COL25A1: variants seen among roughly 807,000 people sequenced by gnomAD.
The protein encoded by COL25A1 is collagen type XXV alpha 1 chain, also known as collagen alpha-1(XXV) chain.
In COL25A1, 103 loss-of-function variants were observed where a neutral mutation model predicts 128.4. The observed-to-expected ratio is 0.80, with a 90% CI of 0.68 to 0.94. COL25A1 has a LOEUF of 0.94. Among genes scored for constraint, COL25A1 ranks in the 40% least tolerant of loss-of-function variants. COL25A1 has a pLI of 0.00. For missense variants in COL25A1, 745 were observed against 840.0 expected (o/e 0.89, Z 1.40); for synonymous variants, 279 against 277.2 (o/e 1.01, Z -0.06).
intron 3 of COL25A1, among the ~76,000 whole-genome samples, chr4:109,152,557 G>A (rs1481906121): frequency 6.6e-6 from 1 of 152,010 alleles, no homozygotes; most frequent in Non-Finnish European, 1.5e-5. Context: ...CCTAATTATG[G>A]CATTTAAAAA....
intron 8 of COL25A1, among the ~76,000 whole-genome samples, chr4:108,957,892 AC>A (rs761659914): frequency 1.3e-5 from 2 of 152,170 alleles, no homozygotes; most frequent in Non-Finnish European, 2.9e-5. Flanking sequence ...CCTTTCTGGC[AC>A]TGTCAAACCA....
chr4:109,197,334 A>ATATATATTATATATATAT, intron 3 of COL25A1, among the ~76,000 whole-genome samples: 1 of 133,162 alleles, frequency 7.5e-6, no homozygotes, highest in South Asian at 2.2e-4. Flanking sequence ...TCAAGTATAT[A>ATATATATTATATATATAT]TATATATTAT....
At chr4:109,202,562 T>C (rs1319095141) in intron 3 of COL25A1, among the ~76,000 whole-genome samples, 1 of 152,174 alleles carries the variant, frequency 6.6e-6, no homozygotes, top group Non-Finnish European at 1.5e-5. Context: ...TGGTCATGAA[T>C]TTTTAGATAC....
At chr4:109,125,347 G>A (rs1359218039) in intron 3 of COL25A1, among the ~76,000 whole-genome samples, 1 of 152,086 alleles carries the variant, frequency 6.6e-6, no homozygotes, top group Non-Finnish European at 1.5e-5. Flanking sequence ...AGGGCAAATA[G>A]CCTTCTCAGG....
intron 3 of COL25A1, among the ~76,000 whole-genome samples, chr4:109,250,798 G>A (rs893177496): frequency 1.3e-5 from 2 of 152,060 alleles, no homozygotes; most frequent in Non-Finnish European, 2.9e-5. Flanking sequence ...CAAGTATCTG[G>A]GCACTCTGTA....
chr4:109,175,518 T>C (rs1347716354), intron 3 of COL25A1, among the ~76,000 whole-genome samples: 2 of 152,224 alleles, frequency 1.3e-5, no homozygotes, highest in African/African-American at 4.8e-5. Flanking sequence ...TGTGATTATG[T>C]GTTAAAAACA....
intron 3 of COL25A1, among the ~76,000 whole-genome samples, chr4:109,238,742 C>T (rs1371867277): frequency 6.6e-6 from 1 of 152,032 alleles, no homozygotes; most frequent in Non-Finnish European, 1.5e-5. Context: ...GGGACTACTC[C>T]TTGTTTTCCC....
At chr4:108,926,424 A>C (rs1439403932) in intron 11 of COL25A1, among the ~76,000 whole-genome samples, 2 of 152,188 alleles carry the variant, frequency 1.3e-5, no homozygotes, top group African/African-American at 2.4e-5. Flanking sequence ...AAAAGCCCAA[A>C]ACTATTAAGC....
At chr4:109,296,176 A>C (rs1724963300) in intron 3 of COL25A1, among the ~76,000 whole-genome samples, 1 of 152,030 alleles carries the variant, frequency 6.6e-6, no homozygotes, top group Admixed American at 6.6e-5. Context: ...GTGTACCTCT[A>C]TCTGTTCATA....
intron 16 of COL25A1, 110 bp downstream of exon 16, chr4:108,896,557 T>C (rs1294373201): frequency 9.4e-6 from 8 of 855,120 alleles, no homozygotes; most frequent in Middle Eastern, 2.2e-4. Context: ...TCTCTGACCT[T>C]TTCATATTAA....
At chr4:108,815,349 C>A (rs1250593718) in intron 37 of COL25A1, among the ~76,000 whole-genome samples, 1 of 149,404 alleles carries the variant, frequency 6.7e-6, no homozygotes, top group African/African-American at 2.4e-5. Context: ...TAAAAGCAAT[C>A]CGCTGACTTT....
chr4:109,089,362 A>G (rs185352862), intron 3 of COL25A1, among the ~76,000 whole-genome samples: 165 of 152,328 alleles, frequency 1.1e-3, no homozygotes, highest in Non-Finnish European at 2.1e-3. Flanking sequence ...GGACATGAAG[A>G]AGGCATATAG....
At chr4:108,838,194 A>T (rs1235698931) in intron 31 of COL25A1, 1 of 1,546,312 alleles carries the variant, frequency 6.5e-7, no homozygotes, top group Non-Finnish European at 8.7e-7. Context: ...TGCAAAAGCA[A>T]ATGCCAATTT....
chr4:109,001,425 T>TGAGATCCTGTCAGGTAGGCAGA, intron 6 of COL25A1, among the ~76,000 whole-genome samples: 1 of 11,988 alleles, frequency 8.3e-5, no homozygotes, highest in East Asian at 9.8e-3. Flanking sequence ...AGGTAGGCAG[T>TGAGATCCTGTCAGGTAGGCAGA]GAGCTAGAGG....
chr4:109,060,696 A>G (rs1355505905), intron 3 of COL25A1, among the ~76,000 whole-genome samples: 1 of 151,862 alleles, frequency 6.6e-6, no homozygotes, highest in Admixed American at 6.6e-5. Context: ...TCAAAAAAAA[A>G]AAAACAAAAA....
Position 108,859,629 on chromosome 4 carries a change from G to A in COL25A1, c.1320+27C>T, listed in dbSNP as rs555029097. ...TGCTCCTCAGCATCCTTCTCAGTGTGTGTCAGGGCAGGGACCAGTCACTTG... is the reference window on the plus strand; with the variant it reads ...TGCTCCTCAGCATCCTTCTCAGTGTATGTCAGGGCAGGGACCAGTCACTTG... On this transcript the variant is annotated intron_variant, in intron 24 of 37. Coordinates refer to ENST00000399132, the MANE Select transcript of COL25A1 (RefSeq NM_198721.4). 111 of 1,600,500 alleles carry A rather than the reference G, an allele frequency of 6.9e-5. 1 individual carries two copies. In the East Asian group the frequency reaches 2.5e-3, roughly 36 times the overall value.
chr4:109,006,385 T>A (rs1755994467), intron 6 of COL25A1, among the ~76,000 whole-genome samples: 1 of 57,476 alleles, frequency 1.7e-5, no homozygotes, highest in Non-Finnish European at 4.1e-5. Context: ...CTAATTTTTT[T>A]TTTTTTTTTT....
At chr4:109,258,777 T>C (rs926124634) in intron 3 of COL25A1, among the ~76,000 whole-genome samples, 1 of 152,200 alleles carries the variant, frequency 6.6e-6, no homozygotes, top group Admixed American at 6.5e-5. Flanking sequence ...ATTAATGTCA[T>C]TAAAATATAA....
intron 3 of COL25A1, among the ~76,000 whole-genome samples, chr4:109,082,443 C>T (rs191450452): frequency 1.3e-5 from 2 of 152,310 alleles, no homozygotes; most frequent in East Asian, 3.9e-4. Flanking sequence ...GGTTCCATAT[C>T]CTCACCAACA....
Sources: allele counts gnomAD v4.1 joint callset (sites outside exome capture counted in the v4.1 genomes callset), GRCh38; gene constraint gnomAD v4.1.1; transcripts MANE v1.5; gene names NCBI Gene and HGNC (gene_info 2026-07-23, HGNC 2026-07-21).